MYO1E: variants seen among roughly 807,000 people sequenced by gnomAD.
MYO1E encodes the protein unconventional myosin-Ie.
In MYO1E, 68 loss-of-function variants were observed where a neutral mutation model predicts 151.1. The observed-to-expected ratio is 0.45, with a 90% confidence interval of 0.37 to 0.55. The LOEUF (loss-of-function observed/expected upper bound fraction) is 0.55. MYO1E is among the 20% of genes least tolerant of loss of function. The pLI is 0.00. For synonymous variants in MYO1E, 601 were observed against 501.7 expected, an observed-to-expected ratio of 1.20 and a Z score of -2.64; for missense variants, 1,363 against 1,389.3, an observed-to-expected ratio of 0.98 and a Z score of 0.30.
chr15:59,335,069 GAACA>G, intron 1 of MYO1E, among the ~76,000 whole-genome samples: 1 of 152,172 alleles, frequency 6.6e-6, no homozygotes. Context: ...GTCTCAAAGA[GAACA>G]TTCACACCAC....
Position 59,136,773 on chromosome 15 carries a change from C to T in MYO1E, c.*607G>A. ...CAGCCCAGCCCCCAGCCCCCAGCCC[C>T]TGACCTGCTTGGCGGCCCTGATGGT... On this transcript the variant is annotated 3_prime_UTR_variant, in exon 28 of 28. Coordinates refer to ENST00000288235, the MANE Select transcript of MYO1E (RefSeq NM_004998.4). 1 of 456,516 alleles carries T rather than the reference C, an allele frequency of 2.2e-6. No homozygotes were observed. Among genetic ancestry groups the T allele is most frequent in the South Asian group, 1.5e-5 (1 of 64,560 alleles). 28.3% of individuals were successfully genotyped at this position (456,516 alleles called of 1,614,324 possible).
chr15:59,193,152 T>C (rs2079744440), intron 17 of MYO1E, among the ~76,000 whole-genome samples: 1 of 151,180 alleles, frequency 6.6e-6, no homozygotes, highest in East Asian at 1.9e-4. Context: ...ATTTTTAAGA[T>C]GCACATTCAT....
In MYO1E at chr15:59,163,190, G is replaced by T. The variant is rs2079547493; in HGVS notation, c.2594C>A (p.Thr865Asn). 1 of 1,614,018 alleles carries T rather than the reference G, an allele frequency of 6.2e-7. No individual in the cohort carries two copies. Among genetic ancestry groups the T allele is most frequent in the East Asian group, 2.2e-5 (1 of 44,898 alleles). Reference protein sequence around the residue: ...SLLAKRYEEKTQKQLPLKFSN... With the variant: ...SLLAKRYEEKNQKQLPLKFSN... ...GAATTTCAGAGGTAGTTGCTTCTGGGTCTTCTCCTCGTAACGCTTTGCTAA... is the reference window on the plus strand; with the variant it reads ...GAATTTCAGAGGTAGTTGCTTCTGGTTCTTCTCCTCGTAACGCTTTGCTAA... Residue 865 changes from threonine (T) to asparagine (N), a missense_variant, in exon 23 of 28, where the codon ACC becomes AAC. Transcript: ENST00000288235.
chr15:59,153,482 A>T, intron 26 of MYO1E, 108 bp downstream of exon 26: 1 of 1,280,332 alleles, frequency 7.8e-7, no homozygotes, highest in Non-Finnish European at 1.1e-6. Flanking sequence ...GTGGAAAACT[A>T]AACCTTAGAA....
In MYO1E at chr15:59,136,635, T is replaced by C. The variant is rs1301750032; in HGVS notation, c.*745A>G. ...TATATATACAGTATATGATCTGTTTTTATAAATGTACAGCTTGAAAAAAGA... is the reference window on the plus strand; with the variant it reads ...TATATATACAGTATATGATCTGTTTCTATAAATGTACAGCTTGAAAAAAGA... On this transcript the variant is annotated 3_prime_UTR_variant, in exon 28 of 28. Coordinates refer to ENST00000288235, the MANE Select transcript of MYO1E (RefSeq NM_004998.4). 2.2e-6 allele frequency: 1 copy of C among 454,644 alleles called. No homozygotes were observed. The highest frequency in any genetic ancestry group is 6.9e-5 in the East Asian group (1 of 14,402). 28.2% of individuals were successfully genotyped at this position (454,644 alleles called of 1,614,324 possible). A position where few individuals can be genotyped will look rare whatever the true frequency, so the allele number is the denominator to read the frequency against.
chr15:59,322,297 C>T (rs2080631622), intron 1 of MYO1E, among the ~76,000 whole-genome samples: 1 of 152,126 alleles, frequency 6.6e-6, no homozygotes, highest in South Asian at 2.1e-4. Context: ...AACAAATCTG[C>T]ACATGTACCC....
At chr15:59,272,490 T>G in intron 1 of MYO1E, 41 bp from the exon 2 acceptor site, 2 of 1,604,836 alleles carry the variant, frequency 1.2e-6, no homozygotes, top group South Asian at 2.2e-5. Flanking sequence ...TAGTTTGTTT[T>G]CCCCTGTAGT....
rs1425880286 is a variant in MYO1E, at chr15:59,217,873, T to C, written c.1107+18A>G. 6.2e-7 allele frequency: 1 copy of C among 1,613,188 alleles called. No individual in the cohort carries two copies. The highest frequency in any genetic ancestry group is 8.5e-7 in the Non-Finnish European group (1 of 1,179,206). ...GCTAAGATATGAAGCATCACCAGCA[T>C]CAACTTCTGTTACTTACATCTACCA... On this transcript the variant is annotated intron_variant, in intron 10 of 27. Coordinates refer to ENST00000288235, the MANE Select transcript of MYO1E (RefSeq NM_004998.4).
intron 1 of MYO1E, among the ~76,000 whole-genome samples, chr15:59,346,615 C>T (rs1049928216): frequency 9.9e-5 from 15 of 151,996 alleles, no homozygotes; most frequent in African/African-American, 3.4e-4. Context: ...TAATAAAATG[C>T]CAGTAATAAA....
chr15:59,229,829 T>G (rs560876843), intron 6 of MYO1E, among the ~76,000 whole-genome samples: 8 of 152,290 alleles, frequency 5.3e-5, no homozygotes, highest in East Asian at 1.9e-4. Flanking sequence ...ATGTCAAACT[T>G]TGATTTACAT....
chr15:59,300,313 CAG>C (rs1555418152), intron 1 of MYO1E, among the ~76,000 whole-genome samples: 3 of 151,242 alleles, frequency 2.0e-5, no homozygotes, highest in African/African-American at 4.9e-5. Context: ...CACACACACA[CAG>C]ACACACACAC....
At chr15:59,349,251 T>C (rs1346089652) in intron 1 of MYO1E, among the ~76,000 whole-genome samples, 4 of 152,216 alleles carry the variant, frequency 2.6e-5, no homozygotes, top group Admixed American at 6.5e-5. Flanking sequence ...CTTAGGTATA[T>C]ATGCATATGC....
chr15:59,163,051 C>T (rs2079546458), intron 23 of MYO1E, 106 bp downstream of exon 23: 1 of 1,346,398 alleles, frequency 7.4e-7, no homozygotes, highest in African/African-American at 1.4e-5. Context: ...CCAGACCCCA[C>T]TCTTCTCCTC....
At chr15:59,311,073 T>TTC (rs1291576996) in intron 1 of MYO1E, among the ~76,000 whole-genome samples, 1 of 152,042 alleles carries the variant, frequency 6.6e-6, no homozygotes, top group East Asian at 1.9e-4. Context: ...CAGCAACTGA[T>TTC]TCTCATGCAC....
intron 1 of MYO1E, among the ~76,000 whole-genome samples, chr15:59,326,112 A>G (rs2080662249): frequency 6.6e-6 from 1 of 152,092 alleles, no homozygotes; most frequent in Admixed American, 6.6e-5. Flanking sequence ...ATTTGAGTAC[A>G]TTTGTATTAT....
chr15:59,211,404 A>G (rs1279713524), intron 12 of MYO1E, among the ~76,000 whole-genome samples: 1 of 152,076 alleles, frequency 6.6e-6, no homozygotes, highest in Non-Finnish European at 1.5e-5. Context: ...TATGTGGTAG[A>G]GTCTCAGGGC....
intron 9 of MYO1E, among the ~76,000 whole-genome samples, chr15:59,221,036 T>G: frequency 6.9e-6 from 1 of 145,754 alleles, no homozygotes; most frequent in East Asian, 2.0e-4. Context: ...TATATATATA[T>G]TATATATATA....
chr15:59,370,021 G>C (rs2080935978), intron 1 of MYO1E, among the ~76,000 whole-genome samples: 2 of 151,972 alleles, frequency 1.3e-5, no homozygotes, highest in Admixed American at 1.3e-4. Context: ...ATGTTACCCA[G>C]GATGGTCTTG....
intron 16 of MYO1E, among the ~76,000 whole-genome samples, chr15:59,201,605 T>C (rs947535430): frequency 6.6e-6 from 1 of 152,120 alleles, no homozygotes; most frequent in Non-Finnish European, 1.5e-5. Flanking sequence ...GGTTTCTCCA[T>C]GTTGGTCAGG....
Sources: allele counts gnomAD v4.1 joint callset (sites outside exome capture counted in the v4.1 genomes callset), GRCh38; gene constraint gnomAD v4.1.1; transcripts MANE v1.5; gene names NCBI Gene and HGNC (gene_info 2026-07-23, HGNC 2026-07-21).